The following PAX2 variants were observed in gnomAD, a reference collection of about 807,000 sequenced individuals.
PAX2 encodes paired box protein Pax-2.
In PAX2, 9 loss-of-function variants were observed where a neutral mutation model predicts 41.7. The observed-to-expected ratio is 0.22, with a 90% CI of 0.13 to 0.38. The LOEUF (loss-of-function observed/expected upper bound fraction) is 0.38, where lower values mean the gene tolerates loss of function less well. Among genes scored for constraint, PAX2 ranks in the 10% least tolerant of loss-of-function variants. The pLI is 1.00. For missense variants in PAX2, 418 were observed against 531.6 expected (o/e 0.79, Z 2.10); for synonymous variants, 221 against 212.7 (o/e 1.04, Z -0.34).
chr10:100,806,894 G>A (rs180886933), intron 6 of PAX2, among the ~76,000 whole-genome samples: 4 of 152,188 alleles, frequency 2.6e-5, no homozygotes, highest in Admixed American at 1.3e-4. Flanking sequence ...TAGAATGAAG[G>A]GCTTGGATGT....
chr10:100,827,784 C>T lies in PAX2; in HGVS notation c.*165C>T. ...GACCCCCGCAACCCTTCACATCACCCCCCTCGAAGGTCGGACAGGACGGGT... is the reference window on the plus strand; with the variant it reads ...GACCCCCGCAACCCTTCACATCACCTCCCTCGAAGGTCGGACAGGACGGGT... On this transcript the variant is annotated 3_prime_UTR_variant, in exon 10 of 10. Transcript: ENST00000355243. This position sits in a 1 kb window ranked among gnomAD's most constrained non-coding sequence, Gnocchi z 8.5. 1.9e-6 allele frequency: 2 copies of T among 1,041,512 alleles called. No individual in the cohort carries two copies. Among genetic ancestry groups the T allele is most frequent in the African/African-American group, 1.6e-5 (1 of 63,552 alleles). The allele number at this position is 1,041,512 out of a possible 1,614,324, so 64.5% of individuals were successfully genotyped here.
intron 3 of PAX2, among the ~76,000 whole-genome samples, chr10:100,761,221 GA>G (rs1178966926): frequency 6.6e-6 from 1 of 151,974 alleles, no homozygotes; most frequent in African/African-American, 2.4e-5. Context: ...AAGGGGCTAT[GA>G]AGCCATTTAA....
In PAX2 at chr10:100,809,354, G is replaced by A. The variant is rs574691235; in HGVS notation, c.919+118G>A. The A allele has an allele frequency of 1.4e-4, 145 of 1,067,454 alleles. 1 individual carries two copies. The South Asian group carries it at 1.7e-3, about 12-fold the overall frequency. The allele number at this position is 1,067,454 out of a possible 1,614,324, so 66.1% of individuals were successfully genotyped here. A position where few individuals can be genotyped will look rare whatever the true frequency, so the allele number is the denominator to read the frequency against. ...CCACCGTGATATTTACAGAGAGAACGAGGCTTCTAAAACCAGGGTGCTTCC... is the reference window on the plus strand; with the variant it reads ...CCACCGTGATATTTACAGAGAGAACAAGGCTTCTAAAACCAGGGTGCTTCC... On this transcript the variant is annotated intron_variant, in intron 7 of 9. Coordinates refer to ENST00000355243, the MANE Select transcript of PAX2 (RefSeq NM_000278.5).
chr10:100,794,938 C>A (rs1564731153), intron 5 of PAX2, among the ~76,000 whole-genome samples: 1 of 152,108 alleles, frequency 6.6e-6, no homozygotes, highest in African/African-American at 2.4e-5. Flanking sequence ...GTTCTTAATT[C>A]TACCCGATTA....
chr10:100,743,474 C>T (rs1019790480), upstream of PAX2, among the ~76,000 whole-genome samples: 5 of 152,102 alleles, frequency 3.3e-5, no homozygotes, highest in Non-Finnish European at 5.9e-5. Context: ...TCACACACCC[C>T]GAGACAAATT....
chr10:100,782,175 C>T (rs1846660541), intron 5 of PAX2, among the ~76,000 whole-genome samples: 1 of 152,156 alleles, frequency 6.6e-6, no homozygotes, highest in African/African-American at 2.4e-5. Flanking sequence ...CGTCCTGCCC[C>T]CATTTTCTCA....
rs1362091255 is a variant in PAX2, at chr10:100,827,103, C to T, written c.1108+8C>T. ...GCAACCCCGCCTTACTAAGTGAGTA[C>T]GCCACCTGGCTGGCCGGCGGCTCAG... is the stretch of plus-strand genomic sequence containing the variant. On this transcript the variant is annotated splice_region_variant and intron_variant, in intron 9 of 9. Coordinates refer to ENST00000355243, the MANE Select transcript of PAX2 (RefSeq NM_000278.5). This position sits in a 1 kb window ranked among gnomAD's most constrained non-coding sequence, Gnocchi z 8.5. 3 of 1,605,742 alleles carry T rather than the reference C, an allele frequency of 1.9e-6. No individual in the cohort carries two copies. The highest frequency in any genetic ancestry group is 3.3e-4 in the Middle Eastern group (2 of 6,050).
chr10:100,769,624 A>AAAAAAAAAAT (rs1206434445), intron 3 of PAX2, among the ~76,000 whole-genome samples: 1 of 81,158 alleles, frequency 1.2e-5, no homozygotes, highest in African/African-American at 4.0e-5. Flanking sequence ...CCATCTCAAA[A>AAAAAAAAAAT]AGAATAAAAT....
chr10:100,807,225 G>A (rs1847822364), intron 6 of PAX2, among the ~76,000 whole-genome samples: 1 of 152,108 alleles, frequency 6.6e-6, no homozygotes, highest in African/African-American at 2.4e-5. Flanking sequence ...GCACAACGCA[G>A]AAACCATCTC....
intron 5 of PAX2, among the ~76,000 whole-genome samples, chr10:100,789,434 C>A (rs1324481940): frequency 6.6e-6 from 1 of 152,194 alleles, no homozygotes; most frequent in African/African-American, 2.4e-5. Context: ...AGGAGAGGTG[C>A]TCTGTGGATT....
At chr10:100,809,897 G>T in intron 7 of PAX2, among the ~76,000 whole-genome samples, 1 of 152,230 alleles carries the variant, frequency 6.6e-6, no homozygotes, top group East Asian at 1.9e-4. Context: ...GAGCAGCAGG[G>T]CCAGTTAGTT....
intron 5 of PAX2, among the ~76,000 whole-genome samples, chr10:100,790,129 G>A (rs1022978595): frequency 6.6e-6 from 1 of 152,192 alleles, no homozygotes; most frequent in African/African-American, 2.4e-5. Context: ...CCATCTGGTT[G>A]TTTGGGGAAG....
chr10:100,827,164 C>A lies in PAX2; in HGVS notation c.1108+69C>A. On this transcript the variant is annotated intron_variant, in intron 9 of 9. Transcript: ENST00000355243. This position sits in a 1 kb window ranked among gnomAD's most constrained non-coding sequence, Gnocchi z 8.5. ...CGGCTTCTGGGCACGGTCCCACTCC[C>A]GGCGACCCGACCTCTGGGGACCCGG... The A allele has an allele frequency of 7.7e-7, 1 of 1,298,054 alleles. No individual in the cohort carries two copies. Among genetic ancestry groups the A allele is most frequent in the Non-Finnish European group, 1.1e-6 (1 of 899,174 alleles). The allele number at this position is 1,298,054 out of a possible 1,614,324, so 80.4% of individuals were successfully genotyped here. A position where few individuals can be genotyped will look rare whatever the true frequency, so the allele number is the denominator to read the frequency against.
chr10:100,756,839 G>T (rs1045156845), intron 3 of PAX2, among the ~76,000 whole-genome samples: 1 of 152,100 alleles, frequency 6.6e-6, no homozygotes, highest in East Asian at 1.9e-4. Context: ...TCAGATTCTT[G>T]CAGGGGAAGC....
chr10:100,755,795 T>C (rs1422283572), intron 3 of PAX2, among the ~76,000 whole-genome samples: 1 of 151,816 alleles, frequency 6.6e-6, no homozygotes, highest in African/African-American at 2.4e-5. Flanking sequence ...AACAGTTCAA[T>C]AGAGGGGCCA....
chr10:100,773,098 T>C (rs1333285925), intron 3 of PAX2, among the ~76,000 whole-genome samples: 4 of 152,254 alleles, frequency 2.6e-5, no homozygotes, highest in East Asian at 3.8e-4. Context: ...GATTAGTCCC[T>C]GGGATTAGTC....
At chr10:100,765,738 C>A (rs2133867308) in intron 3 of PAX2, among the ~76,000 whole-genome samples, 1 of 152,288 alleles carries the variant, frequency 6.6e-6, no homozygotes, top group South Asian at 2.1e-4. Flanking sequence ...GAACTACCCT[C>A]TGCCCCTGTG....
At chr10:100,783,396 T>G (rs1479917229) in intron 5 of PAX2, among the ~76,000 whole-genome samples, 2 of 152,110 alleles carry the variant, frequency 1.3e-5, no homozygotes, top group Non-Finnish European at 2.9e-5. Context: ...GGAACTGGGC[T>G]GGGGAGGGAG....
At chr10:100,778,630 T>G (rs914377122) in intron 3 of PAX2, among the ~76,000 whole-genome samples, 1 of 152,150 alleles carries the variant, frequency 6.6e-6, no homozygotes, top group African/African-American at 2.4e-5. Flanking sequence ...AGGGGGAGCA[T>G]TCCTCCGTCT....
Sources: allele counts gnomAD v4.1 joint callset (sites outside exome capture counted in the v4.1 genomes callset), GRCh38; gene constraint gnomAD v4.1.1; non-coding constraint Gnocchi (gnomAD v3.1); transcripts MANE v1.5; gene names NCBI Gene and HGNC (gene_info 2026-07-23, HGNC 2026-07-21).